The following JPT2 variants were observed in gnomAD, a reference collection of about 807,000 sequenced individuals.
JPT2 encodes CRAMP_1 like.
JPT2 carries 9 observed loss-of-function variants against 15.9 expected under a neutral mutation model. The ratio of observed to expected loss-of-function variants is 0.57; its 90% CI spans 0.34 to 0.99. The LOEUF is 0.99. Among genes scored for constraint, JPT2 ranks in the 50% least tolerant of loss-of-function variants. The pLI, the probability that JPT2 is intolerant of heterozygous loss-of-function variation, is 0.02. For synonymous variants in JPT2, 95 were observed against 91.7 expected, an observed-to-expected ratio of 1.04 and a Z score of -0.21; for missense variants, 267 against 252.1, an observed-to-expected ratio of 1.06 and a Z score of -0.40.
downstream of JPT2, chr16:1,702,191 T>C (rs1461762868): frequency 2.2e-6 from 1 of 455,886 alleles, no homozygotes; most frequent in East Asian, 6.9e-5. Flanking sequence ...AGTTCCTCTC[T>C]AGGAGGCTCC....
intron 3 of JPT2, among the ~76,000 whole-genome samples, chr16:1,693,976 C>T (rs898339657): frequency 2.0e-5 from 3 of 152,014 alleles, no homozygotes; most frequent in Non-Finnish European, 2.9e-5. Context: ...ATGTAATTTA[C>T]GACCTTGGGA....
chr16:1,682,204 C>G (rs182699058), intron 1 of JPT2, among the ~76,000 whole-genome samples: 1 of 151,320 alleles, frequency 6.6e-6, no homozygotes, highest in African/African-American at 2.4e-5. Context: ...GGTGAAACCC[C>G]GTCTGTACTA....
intron 1 of JPT2, 65 bp downstream of exon 1, chr16:1,678,421 C>G (rs1286532997): frequency 2.7e-5 from 32 of 1,203,928 alleles, no homozygotes; most frequent in Non-Finnish European, 2.8e-5. Context: ...CGGGCCAGCC[C>G]AGGGCGTCCA....
chr16:1,683,048 T>C (rs2142220634), intron 1 of JPT2, among the ~76,000 whole-genome samples: 1 of 152,212 alleles, frequency 6.6e-6, no homozygotes, highest in East Asian at 1.9e-4. Context: ...CGCATCTTGG[T>C]TCACTGCAAG....
In JPT2 at chr16:1,700,216, G is replaced by A; in HGVS notation, c.*1218G>A. 4.4e-6 allele frequency: 2 copies of A among 455,048 alleles called. No individual in the cohort carries two copies. The highest frequency in any genetic ancestry group is 7.0e-5 in the East Asian group (1 of 14,368). 28.2% of individuals were successfully genotyped at this position (455,048 alleles called of 1,614,324 possible). On this transcript the variant is annotated 3_prime_UTR_variant, in exon 5 of 5. Transcript: ENST00000248098. ...AGACCTTAGGCCAGGAGATGAAGGA[G>A]TTCAGTAGCAAAGTCACACCTGTCC... is the stretch of plus-strand genomic sequence containing the variant.
intron 2 of JPT2, among the ~76,000 whole-genome samples, chr16:1,688,073 C>T (rs1567470002): frequency 6.6e-6 from 1 of 152,214 alleles, no homozygotes; most frequent in South Asian, 2.1e-4. Flanking sequence ...TCTTCCTCTT[C>T]TAGCAATGAT....
intron 2 of JPT2, chr16:1,689,701 C>T (rs2037091487): frequency 6.6e-6 from 1 of 152,348 alleles, no homozygotes; most frequent in African/African-American, 2.4e-5. Flanking sequence ...CTTGGCCTCC[C>T]ACCGTGCTAA....
At chr16:1,690,367 C>G (rs1391975480) in intron 2 of JPT2, 1 of 152,172 alleles carries the variant, frequency 6.6e-6, no homozygotes. Context: ...GTACACTAAC[C>G]TTGTGTGAGA....
At chr16:1,685,691 G>T in intron 2 of JPT2, 104 bp downstream of exon 2, 1 of 1,216,224 alleles carries the variant, frequency 8.2e-7, no homozygotes, top group Non-Finnish European at 1.1e-6. Flanking sequence ...TCTGGTTCAG[G>T]TAATCACTTG....
At chr16:1,682,900 C>A (rs1169618551) in intron 1 of JPT2, among the ~76,000 whole-genome samples, 1 of 152,130 alleles carries the variant, frequency 6.6e-6, no homozygotes, top group African/African-American at 2.4e-5. Flanking sequence ...GCTTTGACCT[C>A]CTGGGCTCAA....
In JPT2 at chr16:1,701,882, A is replaced by G. The variant is rs2037182386; in HGVS notation, c.*2884A>G. 6.8e-6 allele frequency: 2 copies of G among 292,484 alleles called. No individual in the cohort carries two copies. The highest frequency in any genetic ancestry group is 1.4e-5 in the Non-Finnish European group (2 of 142,948). 18.1% of individuals were successfully genotyped at this position (292,484 alleles called of 1,614,324 possible). ...TACGACCCTGTCTATACAAAAAAAA[A>G]CTTCTCTAAATTAGCCGGATGTGGT... On this transcript the variant is annotated 3_prime_UTR_variant, in exon 5 of 5. Coordinates refer to ENST00000248098, the MANE Select transcript of JPT2 (RefSeq NM_144570.3).
At position 1,698,516 on chromosome 16, in the gene JPT2, GA is replaced by G. The variant is rs1422227415; in HGVS notation, c.386-292del. On this transcript the variant is annotated intron_variant, in intron 4 of 4. Coordinates refer to ENST00000248098, the MANE Select transcript of JPT2 (RefSeq NM_144570.3). The surrounding 1 kb of genome is among the most constrained non-coding windows in gnomAD (Gnocchi z 4.9). Reference sequence around the variant, plus strand: ...CTTGCTTTCTATACTTGAGATGGAAGAAATGGGAGTGGTGTCTAACAAGCAA... The same window carrying G: ...CTTGCTTTCTATACTTGAGATGGAAGAATGGGAGTGGTGTCTAACAAGCAA... 6.6e-6 allele frequency among the ~76,000 whole-genome samples: 1 copy of G among 152,190 alleles called. No individual in the cohort carries two copies. The highest frequency in any genetic ancestry group is 2.4e-5 in the African/African-American group (1 of 41,454).
chr16:1,700,048 C>G lies in JPT2; in HGVS notation c.*1050C>G. The stretch of plus-strand genomic sequence containing the variant: ...AGCTTTACATAAATGATTGTTGACT[C>G]TGGTCTGTTTCTGACACCTTTCCAG... On this transcript the variant is annotated 3_prime_UTR_variant, in exon 5 of 5. Coordinates refer to ENST00000248098, the MANE Select transcript of JPT2 (RefSeq NM_144570.3). 1 of 416,008 alleles carries G rather than the reference C, an allele frequency of 2.4e-6. No individual in the cohort carries two copies. Among genetic ancestry groups the G allele is most frequent in the Non-Finnish European group, 5.0e-6 (1 of 201,468 alleles). The allele number at this position is 416,008 out of a possible 1,614,324, so 25.8% of individuals were successfully genotyped here.
At position 1,691,946 on chromosome 16, in the gene JPT2, C is replaced by T. The variant is rs2037106431; in HGVS notation, c.297C>T (p.Val99=). 3 of 1,614,194 alleles carry T rather than the reference C, an allele frequency of 1.9e-6. No individual in the cohort carries two copies. In the East Asian group the frequency reaches 6.7e-5, roughly 36 times the overall value. ...CCAGCGACATTTTTGGGTCTCCGGT[C>T]ACTGCCACTTCACGCTTGGCACACC... ...GKTSDIFGSP[V]TATSRLAHPN... The change falls in exon 3 of 5, where the codon GTC becomes GTT. Residue 99 remains valine (V), a synonymous_variant. Transcript: ENST00000248098.
intron 3 of JPT2, chr16:1,692,332 C>T (rs1367615200): frequency 3.5e-6 from 1 of 285,158 alleles, no homozygotes; most frequent in Admixed American, 4.9e-5. Flanking sequence ...CCGTCTTCCA[C>T]TCTTCCTGTT....
intron 1 of JPT2, among the ~76,000 whole-genome samples, chr16:1,680,738 T>G (rs1470238224): frequency 6.6e-6 from 1 of 152,214 alleles, no homozygotes; most frequent in Non-Finnish European, 1.5e-5. Context: ...AGCGTTATGC[T>G]TTAGCCGCGA....
intron 1 of JPT2, among the ~76,000 whole-genome samples, chr16:1,680,921 C>T (rs2037017602): frequency 6.6e-6 from 1 of 152,208 alleles, no homozygotes; most frequent in African/African-American, 2.4e-5. Flanking sequence ...GAGGGTCACA[C>T]AGCTTTTCCC....
At chr16:1,680,524 G>C in intron 1 of JPT2, 1 of 1,226,792 alleles carries the variant, frequency 8.2e-7, no homozygotes, top group Non-Finnish European at 1.1e-6. Context: ...TCTGCTTGGG[G>C]TCCACCAGAC....
chr16:1,683,007 T>C (rs1407975389), intron 1 of JPT2, among the ~76,000 whole-genome samples: 1 of 152,132 alleles, frequency 6.6e-6, no homozygotes, highest in African/African-American at 2.4e-5. Flanking sequence ...AGACGGAATC[T>C]CGCTCTGTCA....
Sources: gnomAD v4.1 joint callset for allele counts (sites outside exome capture counted in the v4.1 genomes callset) on GRCh38, gnomAD v4.1.1 for gene constraint, Gnocchi (gnomAD v3.1) non-coding constraint, MANE v1.5 for transcripts, NCBI Gene and HGNC (gene_info 2026-07-23, HGNC 2026-07-21) for gene names.